SORBS2: variants seen among roughly 807,000 people sequenced by gnomAD.
The protein encoded by SORBS2 is sorbin and SH3 domain-containing protein 2.
SORBS2 carries 46 observed loss-of-function variants against 97.7 expected under a neutral mutation model. The ratio of observed to expected loss-of-function variants is 0.47; its 90% CI spans 0.37 to 0.60. The LOEUF (loss-of-function observed/expected upper bound fraction) is 0.60, where lower values mean the gene tolerates loss of function less well. Ranked by LOEUF, SORBS2 falls within the 20% of genes least tolerant of loss-of-function variation. SORBS2 has a pLI of 0.00. For synonymous variants in SORBS2, 476 were observed against 473.4 expected, an observed-to-expected ratio of 1.01 and a Z score of -0.07; for missense variants, 1,316 against 1,282.3, an observed-to-expected ratio of 1.03 and a Z score of -0.40.
At chr4:185,805,817 G>A (rs1049772956) in intron 1 of SORBS2, among the ~76,000 whole-genome samples, 4 of 152,302 alleles carry the variant, frequency 2.6e-5, no homozygotes, top group African/African-American at 4.8e-5. Context: ...AAATGCACGC[G>A]TTTTGGAAAG....
At chr4:185,667,241 T>A (rs1387858743) in intron 4 of SORBS2, among the ~76,000 whole-genome samples, 1 of 152,112 alleles carries the variant, frequency 6.6e-6, no homozygotes, top group East Asian at 1.9e-4. Flanking sequence ...AGTACAAAGA[T>A]GGGAATGAAT....
chr4:185,899,299 G>A (rs1057359602), intron 1 of SORBS2, among the ~76,000 whole-genome samples: 9 of 152,206 alleles, frequency 5.9e-5, no homozygotes, highest in East Asian at 1.9e-4. Flanking sequence ...TTAAGGTCTC[G>A]AAGAATTGGT....
chr4:185,939,201 C>G (rs542058181), intron 1 of SORBS2, among the ~76,000 whole-genome samples: 2 of 152,104 alleles, frequency 1.3e-5, no homozygotes, highest in Non-Finnish European at 2.9e-5. Context: ...AAATTTCTCT[C>G]CTCTCTCATT....
rs1246995350 is a variant in SORBS2, at chr4:185,912,893, T to C, written c.-338+43303A>G. Among the ~76,000 whole-genome samples, 8 of 152,216 alleles carry C rather than the reference T, an allele frequency of 5.3e-5. No individual in the cohort carries two copies. In the South Asian group the frequency reaches 1.4e-3, roughly 28 times the overall value. ...ACACTCACCTTCCCGTTTCGAATGT[T>C]ACATAATAAACAGCCGGATACTGCT... is the stretch of plus-strand genomic sequence containing the variant. On this transcript the variant is annotated intron_variant, in intron 1 of 20. Coordinates refer to the SORBS2 transcript ENST00000284776.
chr4:185,846,420 C>T (rs551566389), intron 1 of SORBS2, among the ~76,000 whole-genome samples: 100 of 152,230 alleles, frequency 6.6e-4, no homozygotes, highest in Non-Finnish European at 1.1e-3. Flanking sequence ...TGAATGGGGC[C>T]AAGGACCCTT....
intron 1 of SORBS2, among the ~76,000 whole-genome samples, chr4:185,879,855 G>A (rs2099235993): frequency 6.6e-6 from 1 of 152,206 alleles, no homozygotes. Context: ...GCATCAGCAC[G>A]GTGAGGGCAG....
chr4:185,638,721 G>A (rs1173795276), intron 4 of SORBS2, among the ~76,000 whole-genome samples, 156 bp downstream of exon 14: 1 of 151,802 alleles, frequency 6.6e-6, no homozygotes, highest in African/African-American at 2.4e-5. Flanking sequence ...ACAGGGCATT[G>A]GGGGGCTCTC....
chr4:185,843,542 T>C (rs545702701), intron 1 of SORBS2, among the ~76,000 whole-genome samples: 8 of 152,248 alleles, frequency 5.3e-5, no homozygotes, highest in African/African-American at 1.9e-4. Flanking sequence ...TAATTCCATA[T>C]GGTAGAAATA....
At chr4:185,787,340 C>A (rs557626693) in intron 1 of SORBS2, among the ~76,000 whole-genome samples, 1 of 152,058 alleles carries the variant, frequency 6.6e-6, no homozygotes, top group South Asian at 2.1e-4. Context: ...GAGAGACTGG[C>A]GTGGACAAAC....
At position 185,947,481 on chromosome 4, in the gene SORBS2, G is replaced by C. The variant is rs375197357; in HGVS notation, c.-338+8715C>G. 2.2e-4 allele frequency among the ~76,000 whole-genome samples: 33 copies of C among 152,132 alleles called. 4 individuals carry two copies. Among genetic ancestry groups the C allele is most frequent in the Admixed American group, 1.7e-3 (26 of 15,280 alleles). ...AGGGACAGAACTGCAGAGTCTTAAA[G>C]GGCAAAAGTGAGGCAAACCTGGGTT... On this transcript the variant is annotated intron_variant, in intron 1 of 20. Coordinates refer to the SORBS2 transcript ENST00000284776.
chr4:185,858,068 G>A (rs567820287), intron 1 of SORBS2, among the ~76,000 whole-genome samples: 3 of 152,286 alleles, frequency 2.0e-5, no homozygotes, highest in South Asian at 2.1e-4. Flanking sequence ...AAACTCGCTG[G>A]TTTTGCAGCT....
chr4:185,818,542 T>C (rs971425405), intron 1 of SORBS2, among the ~76,000 whole-genome samples: 3 of 152,202 alleles, frequency 2.0e-5, no homozygotes, highest in Admixed American at 6.5e-5. Flanking sequence ...ATCATTGCCT[T>C]GAACTGAGAA....
At chr4:185,876,204 T>A (rs1053118858) in intron 1 of SORBS2, among the ~76,000 whole-genome samples, 4 of 152,110 alleles carry the variant, frequency 2.6e-5, no homozygotes, top group African/African-American at 9.7e-5. Flanking sequence ...ACTGCCCAAG[T>A]TCAAGCGATT....
intron 1 of SORBS2, among the ~76,000 whole-genome samples, chr4:185,850,116 A>G (rs2099216951): frequency 6.6e-6 from 1 of 152,220 alleles, no homozygotes; most frequent in Non-Finnish European, 1.5e-5. Context: ...AATGTGGAGC[A>G]GAGGCGAACC....
intron 1 of SORBS2, among the ~76,000 whole-genome samples, chr4:185,842,056 A>T (rs2099211877): frequency 6.6e-6 from 1 of 152,224 alleles, no homozygotes; most frequent in Admixed American, 6.5e-5. Context: ...TCCTGCCCTC[A>T]AGGAGCTTAT....
exon 2 of SORBS2, chr4:185,652,720 G>A: frequency 1.2e-6 from 2 of 1,613,900 alleles, no homozygotes; most frequent in South Asian, 1.1e-5. Flanking sequence ...CCTTGGGCCG[G>A]TCGACTGTCT....
In SORBS2 at chr4:185,724,345, G is replaced by C. The variant is rs796849841; in HGVS notation, c.-197-45523C>G. Among the ~76,000 whole-genome samples the C allele has an allele frequency of 1.5e-4, 22 of 143,590 alleles. 1 individual carries two copies. Among genetic ancestry groups the C allele is most frequent in the Middle Eastern group, 3.6e-3 (1 of 280 alleles). The allele number at this position is 143,590 out of a possible 152,430, so 94.2% of individuals were successfully genotyped here. On this transcript the variant is annotated intron_variant, in intron 2 of 20. Coordinates refer to the SORBS2 transcript ENST00000284776. ...GCCCAGAGAGTTAAAAAAAAAAAAA[G>C]ACAAAAGGATGAGCAGCTAGTTAAT...
intron 1 of SORBS2, among the ~76,000 whole-genome samples, chr4:185,853,757 AT>A (rs200641406): frequency 5.9e-5 from 9 of 152,112 alleles, no homozygotes; most frequent in Non-Finnish European, 1.3e-4. Flanking sequence ...TTCCAAAATA[AT>A]TTTTTTAAAT....
intron 1 of SORBS2, among the ~76,000 whole-genome samples, chr4:185,947,523 A>G (rs540855013): frequency 6.6e-6 from 1 of 152,134 alleles, no homozygotes; most frequent in Non-Finnish European, 1.5e-5. Context: ...CAACCTTCCA[A>G]TTGCCAGCTC....
Sources: gnomAD v4.1 joint callset for allele counts (sites outside exome capture counted in the v4.1 genomes callset) on GRCh38, gnomAD v4.1.1 for gene constraint, MANE v1.5 for transcripts, NCBI Gene and HGNC (gene_info 2026-07-23, HGNC 2026-07-21) for gene names.